The following OTUD7A variants were observed in gnomAD, a reference collection of about 807,000 sequenced individuals.
The protein encoded by OTUD7A is OTU domain-containing protein 7A.
OTUD7A carries 12 observed loss-of-function variants against 65.7 expected under a neutral mutation model. That is an observed-to-expected ratio of 0.18 (90% CI 0.12 to 0.30). The LOEUF is 0.30. Among genes scored for constraint, OTUD7A ranks in the 10% least tolerant of loss-of-function variants. The pLI is 1.00. For missense variants in OTUD7A, 1,148 were observed against 1,304.8 expected (o/e 0.88, Z 1.85); for synonymous variants, 641 against 586.3 (o/e 1.09, Z -1.35).
At chr15:31,855,572 GA>G (rs1039806306) in intron 1 of OTUD7A, among the ~76,000 whole-genome samples, 1 of 152,180 alleles carries the variant, frequency 6.6e-6, no homozygotes, top group African/African-American at 2.4e-5. Flanking sequence ...GATACTGTGT[GA>G]TCCTGGAATC....
chr15:31,503,679 TGAGGAA>T lies in OTUD7A; in HGVS notation c.1021+6_1021+11del, dbSNP rs1307288559. On this transcript the variant is annotated splice_donor_region_variant and intron_variant, in intron 9 of 12. Transcript: ENST00000307050. ...GTGTCATGAATACAACACATCTCTTTGAGGAACTTACCTTCTCCACCTGAGTCTCTT... is the reference window on the plus strand; with the variant it reads ...GTGTCATGAATACAACACATCTCTTTCTTACCTTCTCCACCTGAGTCTCTT... 6.2e-7 allele frequency: 1 copy of T among 1,614,042 alleles called. No individual in the cohort carries two copies. Among genetic ancestry groups the T allele is most frequent in the Non-Finnish European group, 8.5e-7 (1 of 1,180,016 alleles).
At chr15:31,485,453 C>T (rs2041223915) in intron 12 of OTUD7A, among the ~76,000 whole-genome samples, 1 of 152,322 alleles carries the variant, frequency 6.6e-6, no homozygotes, top group South Asian at 2.1e-4. Flanking sequence ...AAGATGTTCC[C>T]ATTCCCAGAA....
intron 1 of OTUD7A, among the ~76,000 whole-genome samples, chr15:31,849,418 A>C (rs1179856026): frequency 6.6e-6 from 1 of 152,240 alleles, no homozygotes; most frequent in Non-Finnish European, 1.5e-5. Context: ...TGGATTAAAG[A>C]CTTAAATGTT....
rs1316619218 is a variant in OTUD7A at position 31,684,462 on chromosome 15, A to G, written c.-99-27385T>C. ...TAATCTCACCATTTCTGTGGGGCAGAAGTCAGAGTGCACCTTAGCTCAGGG... is the reference window on the plus strand; with the variant it reads ...TAATCTCACCATTTCTGTGGGGCAGGAGTCAGAGTGCACCTTAGCTCAGGG... On this transcript the variant is annotated intron_variant, in intron 1 of 12. Transcript: ENST00000307050. 3.3e-5 allele frequency among the ~76,000 whole-genome samples: 5 copies of G among 152,168 alleles called. No homozygotes were observed. The South Asian group carries it at 6.2e-4, about 19-fold the overall frequency.
intron 1 of OTUD7A, among the ~76,000 whole-genome samples, chr15:31,826,611 C>T (rs1896804353): frequency 6.6e-6 from 1 of 152,230 alleles, no homozygotes; most frequent in Non-Finnish European, 1.5e-5. Flanking sequence ...ATTACTTATG[C>T]AAATTTCTGC....
chr15:31,811,680 G>A (rs535404034), intron 1 of OTUD7A, among the ~76,000 whole-genome samples: 1 of 152,254 alleles, frequency 6.6e-6, no homozygotes, highest in South Asian at 2.1e-4. Context: ...GTAGAGAGGT[G>A]CCTTCCTCTT....
intron 1 of OTUD7A, among the ~76,000 whole-genome samples, chr15:31,804,157 A>G (rs577321484): frequency 6.6e-6 from 1 of 152,342 alleles, no homozygotes; most frequent in Non-Finnish European, 1.5e-5. Flanking sequence ...CAAACCTTCA[A>G]GGAACAGACC....
intron 3 of OTUD7A, among the ~76,000 whole-genome samples, chr15:31,604,607 A>G (rs938904369): frequency 3.9e-5 from 6 of 152,242 alleles, no homozygotes; most frequent in Non-Finnish European, 7.3e-5. Flanking sequence ...TATAACAAAA[A>G]AAGAAAGAAA....
intron 3 of OTUD7A, among the ~76,000 whole-genome samples, chr15:31,652,000 CAAA>C (rs34951638): frequency 0.087 from 10,017 of 114,712 alleles, 794 homozygotes; most frequent in African/African-American, 0.23. Context: ...CATAGAAAGG[CAAA>C]AAAAAAAAAA....
intron 1 of OTUD7A, among the ~76,000 whole-genome samples, chr15:31,861,221 A>T (rs746657923): frequency 2.0e-5 from 3 of 152,064 alleles, no homozygotes; most frequent in Non-Finnish European, 4.4e-5. Flanking sequence ...CCTAGAGAAT[A>T]TCCCCAGAGT....
At chr15:31,612,686 G>A (rs186615200) in intron 3 of OTUD7A, among the ~76,000 whole-genome samples, 9 of 152,268 alleles carry the variant, frequency 5.9e-5, no homozygotes, top group East Asian at 1.9e-4. Flanking sequence ...TCATGGATAG[G>A]TAGACTCAAT....
intron 3 of OTUD7A, among the ~76,000 whole-genome samples, chr15:31,636,774 G>A (rs533291360): frequency 6.6e-5 from 10 of 152,264 alleles, no homozygotes; most frequent in East Asian, 5.8e-4. Context: ...TTGCCGATAC[G>A]GAGAAAGTTT....
intron 1 of OTUD7A, among the ~76,000 whole-genome samples, chr15:31,696,065 C>T (rs1457250126): frequency 6.6e-6 from 1 of 152,196 alleles, no homozygotes; most frequent in Non-Finnish European, 1.5e-5. Context: ...GGGTGGCCTG[C>T]ACACGAAGGA....
At chr15:31,742,420 A>G (rs1414085643) in intron 1 of OTUD7A, among the ~76,000 whole-genome samples, 1 of 152,138 alleles carries the variant, frequency 6.6e-6, no homozygotes, top group East Asian at 1.9e-4. Context: ...CAACACATGC[A>G]TGTAGATAAG....
chr15:31,561,561 G>A (rs572528936), intron 4 of OTUD7A, among the ~76,000 whole-genome samples: 3 of 152,260 alleles, frequency 2.0e-5, no homozygotes, highest in African/African-American at 4.8e-5. Context: ...GAGACACTTC[G>A]ATGGCCTTGG....
At chr15:31,671,904 T>C (rs1892493370) in intron 1 of OTUD7A, among the ~76,000 whole-genome samples, 3 of 152,332 alleles carry the variant, frequency 2.0e-5, no homozygotes, top group Admixed American at 2.0e-4. Flanking sequence ...AGTATTTTTA[T>C]CCTCATCCTC....
chr15:31,526,388 G>A lies in OTUD7A; in HGVS notation c.854C>T (p.Pro285Leu). ...TELLKLASSE[P>L]RTHFSKNGGT... ...GCCATTCTTGCTGAAGTGTGTGCGC[G>A]GCTCGCTGGAGGCCAGCTTCAGCAG... Residue 285 changes from proline to leucine, a missense_variant, in exon 8 of 13, where the codon CCG becomes CTG. This residue lies in a region of OTUD7A where 134 missense variants were observed against 252.6 expected (regional missense o/e 0.53). Transcript: ENST00000307050. 1 of 1,601,808 alleles carries A rather than the reference G, an allele frequency of 6.2e-7. No homozygotes were observed. The highest frequency in any genetic ancestry group is 8.5e-7 in the Non-Finnish European group (1 of 1,178,764).
intron 1 of OTUD7A, among the ~76,000 whole-genome samples, chr15:31,859,027 A>G (rs1897650800): frequency 6.6e-6 from 1 of 152,028 alleles, no homozygotes; most frequent in Non-Finnish European, 1.5e-5. Context: ...ATCAAATTAG[A>G]TAATCTACAC....
intron 3 of OTUD7A, among the ~76,000 whole-genome samples, chr15:31,610,462 A>C (rs992784878): frequency 2.6e-5 from 4 of 151,740 alleles, no homozygotes; most frequent in African/African-American, 4.8e-5. Flanking sequence ...TGGACTTAAC[A>C]GATATATACA....
Sources: gnomAD v4.1 joint callset for allele counts (sites outside exome capture counted in the v4.1 genomes callset) on GRCh38, gnomAD v4.1.1 for gene constraint, gnomAD v4.1.1 regional missense constraint, MANE v1.5 for transcripts, NCBI Gene and HGNC (gene_info 2026-07-23, HGNC 2026-07-21) for gene names.